Variants in SOX6 observed in about 807,000 individuals in gnomAD.
SOX6 encodes SRY-box transcription factor 6, also known as transcription factor SOX-6.
A neutral mutation model predicts 97.8 loss-of-function variants in SOX6; 11 were observed. The observed-to-expected ratio is 0.11, with a 90% CI of 0.07 to 0.19. The LOEUF is 0.19. Among genes scored for constraint, SOX6 ranks in the 10% least tolerant of loss-of-function variants. SOX6 has a pLI of 1.00. For missense variants in SOX6, 810 were observed against 1,039.5 expected (o/e 0.78, Z 3.04); for synonymous variants, 360 against 371.4 (o/e 0.97, Z 0.35).
At chr11:16,525,383 A>T (rs1294713731) in intron 4 of SOX6, among the ~76,000 whole-genome samples, 1 of 151,484 alleles carries the variant, frequency 6.6e-6, no homozygotes, top group Non-Finnish European at 1.5e-5. Flanking sequence ...CAATGGGGAA[A>T]GGATTCCCTA....
intron 4 of SOX6, among the ~76,000 whole-genome samples, chr11:16,198,791 C>G (rs1241283061): frequency 6.6e-6 from 1 of 152,162 alleles, no homozygotes; most frequent in Non-Finnish European, 1.5e-5. Context: ...ATACAGATCT[C>G]AAGGATGTTT....
chr11:16,047,935 A>G (rs1345530457), intron 11 of SOX6, among the ~76,000 whole-genome samples: 1 of 152,036 alleles, frequency 6.6e-6, no homozygotes, highest in East Asian at 1.9e-4. Context: ...TTCTGGTAAA[A>G]AGGACATCTC....
At chr11:16,720,113 AC>A (rs778633446) in intron 2 of SOX6, among the ~76,000 whole-genome samples, 196 of 152,318 alleles carry the variant, frequency 1.3e-3, no homozygotes, top group Middle Eastern at 3.4e-3. Context: ...AACCAAAGCA[AC>A]CACTGTGGAA....
At chr11:16,060,714 T>C (rs1024744864) in intron 9 of SOX6, among the ~76,000 whole-genome samples, 1 of 151,872 alleles carries the variant, frequency 6.6e-6, no homozygotes, top group African/African-American at 2.4e-5. Context: ...GTTCCATGTG[T>C]AAGACTCTGT....
chr11:16,146,127 C>G lies in SOX6; in HGVS notation c.778-34204G>C, dbSNP rs974391271. On this transcript the variant is annotated intron_variant, in intron 6 of 15. Coordinates refer to ENST00000683767, the MANE Select transcript of SOX6 (RefSeq NM_001367873.1). ...TACTACAAGGCTACAGTAACCAAAA[C>G]AGCATGGTACCACTACCAAAACAGA... Among the ~76,000 whole-genome samples the G allele has an allele frequency of 1.5e-3, 228 of 152,316 alleles. 1 individual carries two copies. Among genetic ancestry groups the G allele is most frequent in the African/African-American group, 5.2e-3 (215 of 41,560 alleles).
intron 1 of SOX6, among the ~76,000 whole-genome samples, chr11:16,432,541 A>G (rs1327384583): frequency 6.6e-6 from 1 of 152,114 alleles, no homozygotes; most frequent in Non-Finnish European, 1.5e-5. Flanking sequence ...AATTGCCGTA[A>G]TCAGAAACCC....
intron 4 of SOX6, among the ~76,000 whole-genome samples, chr11:16,586,524 G>T (rs1848095250): frequency 6.6e-6 from 1 of 152,106 alleles, no homozygotes; most frequent in African/African-American, 2.4e-5. Flanking sequence ...GCCTGGGCAA[G>T]ACAGTGAGAT....
chr11:16,402,544 C>T, intron 1 of SOX6: 3 of 1,088,978 alleles, frequency 2.8e-6, no homozygotes, highest in Non-Finnish European at 4.2e-6. Context: ...CAGAAGCAAA[C>T]CACCCAAAGC....
intron 13 of SOX6, among the ~76,000 whole-genome samples, chr11:16,007,473 G>A (rs1484263547): frequency 6.6e-6 from 1 of 152,078 alleles, no homozygotes; most frequent in African/African-American, 2.4e-5. Flanking sequence ...AACAGAAACT[G>A]GGGGAGGACT....
chr11:16,485,964 AGGGGAGGGGAGG>A (rs1860424425), intron 4 of SOX6, among the ~76,000 whole-genome samples: 5 of 2,384 alleles, frequency 2.1e-3, no homozygotes, highest in Non-Finnish European at 3.1e-3. Context: ...AGGGGAGGGG[AGGGGAGGGGAGG>A]GGAGGGGAGG....
At chr11:16,456,203 T>C (rs1859808073) in intron 1 of SOX6, among the ~76,000 whole-genome samples, 1 of 152,076 alleles carries the variant, frequency 6.6e-6, no homozygotes, top group East Asian at 1.9e-4. Flanking sequence ...GAGACTAAAC[T>C]GAGATAACTA....
At chr11:16,583,349 C>A (rs1217526607) in intron 4 of SOX6, among the ~76,000 whole-genome samples, 3 of 151,386 alleles carry the variant, frequency 2.0e-5, no homozygotes, top group Admixed American at 6.6e-5. Context: ...TAGCTATAGT[C>A]ACCATGCAGT....
At chr11:16,480,380 A>G (rs1039604047), upstream of SOX6, among the ~76,000 whole-genome samples, 2 of 151,654 alleles carry the variant, frequency 1.3e-5, no homozygotes, top group African/African-American at 4.8e-5. Flanking sequence ...CTGGGAGCAA[A>G]AGCCAAATAT....
chr11:16,642,958 G>A (rs1411630204), intron 3 of SOX6, among the ~76,000 whole-genome samples: 1 of 152,202 alleles, frequency 6.6e-6, no homozygotes, highest in Non-Finnish European at 1.5e-5. Context: ...TGCTGGTGAG[G>A]AGGTGCGTTC....
At chr11:16,452,708 A>G (rs917124272) in intron 1 of SOX6, among the ~76,000 whole-genome samples, 1 of 152,196 alleles carries the variant, frequency 6.6e-6, no homozygotes, top group African/African-American at 2.4e-5. Context: ...TCCCTTAGAA[A>G]AGAAAAGAGG....
At chr11:16,335,369 G>T (rs1441120954) in intron 2 of SOX6, among the ~76,000 whole-genome samples, 1 of 152,112 alleles carries the variant, frequency 6.6e-6, no homozygotes, top group African/African-American at 2.4e-5. Context: ...CAGGTTTATG[G>T]ACTTTTTTCC....
At chr11:16,592,553 G>A (rs1049616842) in intron 4 of SOX6, among the ~76,000 whole-genome samples, 2 of 151,760 alleles carry the variant, frequency 1.3e-5, no homozygotes, top group Non-Finnish European at 2.9e-5. Context: ...GGACAAGTTA[G>A]AATGACCATA....
At chr11:16,653,163 C>G (rs930913975) in intron 3 of SOX6, among the ~76,000 whole-genome samples, 2 of 152,110 alleles carry the variant, frequency 1.3e-5, no homozygotes, top group African/African-American at 4.8e-5. Context: ...TTACACACTG[C>G]TGGTGGGAAT....
At chr11:16,381,059 G>A (rs1245800818) in intron 1 of SOX6, among the ~76,000 whole-genome samples, 1 of 151,914 alleles carries the variant, frequency 6.6e-6, no homozygotes, top group Non-Finnish European at 1.5e-5. Flanking sequence ...TGATACAAAT[G>A]TAAAGAATTT....
Sources: gnomAD v4.1 joint callset for allele counts (sites outside exome capture counted in the v4.1 genomes callset) on GRCh38, gnomAD v4.1.1 for gene constraint, MANE v1.5 for transcripts, NCBI Gene and HGNC (gene_info 2026-07-23, HGNC 2026-07-21) for gene names.